The following DLGAP1 variants were observed in gnomAD, a reference collection of about 807,000 sequenced individuals.
DLGAP1 encodes the protein DLG associated protein 1.
DLGAP1 carries 11 observed loss-of-function variants against 90.8 expected under a neutral mutation model. That is an observed-to-expected ratio of 0.12 (90% CI 0.08 to 0.20). The LOEUF is 0.20. Among genes scored for constraint, DLGAP1 ranks in the 10% least tolerant of loss-of-function variants. The pLI, the probability that DLGAP1 is intolerant of heterozygous loss-of-function variation, is 1.00. For missense variants in DLGAP1, 1,050 were observed against 1,333.8 expected (o/e 0.79, Z 3.31); for synonymous variants, 558 against 540.7 (o/e 1.03, Z -0.44).
At chr18:3,579,540 G>T (rs1349879608) in intron 8 of DLGAP1, among the ~76,000 whole-genome samples, 10 of 152,138 alleles carry the variant, frequency 6.6e-5, no homozygotes, top group Non-Finnish European at 1.2e-4. Flanking sequence ...CCTTAGAGTG[G>T]GTTCAATGTG....
intron 4 of DLGAP1, among the ~76,000 whole-genome samples, chr18:3,850,002 A>G (rs7245298): frequency 0.29 from 44,604 of 151,854 alleles, 6,667 homozygotes; most frequent in South Asian, 0.34. Context: ...GGCCAATAAC[A>G]CTGTGATGCC....
intron 5 of DLGAP1, among the ~76,000 whole-genome samples, chr18:3,754,331 A>C (rs767782544): frequency 6.6e-6 from 1 of 152,160 alleles, no homozygotes; most frequent in Non-Finnish European, 1.5e-5. Context: ...TAGATTACTT[A>C]TAATACTGAA....
At chr18:3,730,229 G>A (rs2062371633) in intron 6 of DLGAP1, among the ~76,000 whole-genome samples, 1 of 152,030 alleles carries the variant, frequency 6.6e-6, no homozygotes, top group Admixed American at 6.6e-5. Flanking sequence ...TTCCAGCCTG[G>A]GCAACAGAGA....
intron 7 of DLGAP1, among the ~76,000 whole-genome samples, chr18:3,661,128 G>T (rs1379834922): frequency 1.3e-5 from 2 of 152,106 alleles, no homozygotes; most frequent in African/African-American, 4.8e-5. Context: ...AAACTGCTGT[G>T]CTCAAGTGAT....
At chr18:3,529,050 C>T (rs960821486) in intron 10 of DLGAP1, among the ~76,000 whole-genome samples, 4 of 152,176 alleles carry the variant, frequency 2.6e-5, no homozygotes, top group African/African-American at 7.2e-5. Flanking sequence ...TCATCTGTCA[C>T]GGGAACACCT....
At chr18:3,657,966 T>C (rs1291529934) in intron 7 of DLGAP1, among the ~76,000 whole-genome samples, 1 of 152,244 alleles carries the variant, frequency 6.6e-6, no homozygotes, top group Non-Finnish European at 1.5e-5. Context: ...AGTTCAACCA[T>C]GATCAGACAA....
intron 2 of DLGAP1, among the ~76,000 whole-genome samples, chr18:4,034,021 G>A (rs1426379797): frequency 6.8e-6 from 1 of 147,676 alleles, no homozygotes; most frequent in Non-Finnish European, 1.5e-5. Context: ...AGGGGCATGA[G>A]CCACCGCGCC....
chr18:3,612,999 C>A (rs1400939435), intron 7 of DLGAP1, among the ~76,000 whole-genome samples: 1 of 152,086 alleles, frequency 6.6e-6, no homozygotes, highest in East Asian at 1.9e-4. Context: ...CGCCACCATG[C>A]CCGGCTAATT....
At chr18:3,925,245 G>A (rs184685678) in intron 3 of DLGAP1, among the ~76,000 whole-genome samples, 20 of 151,248 alleles carry the variant, frequency 1.3e-4, no homozygotes, top group Admixed American at 5.9e-4. Context: ...GAGCCACTGC[G>A]CCCAGCAGCT....
intron 3 of DLGAP1, among the ~76,000 whole-genome samples, chr18:3,897,283 C>T (rs989814284): frequency 1.3e-5 from 2 of 152,218 alleles, no homozygotes; most frequent in Non-Finnish European, 2.9e-5. Context: ...CTTTTCTCTC[C>T]ACTACCAAGA....
At chr18:4,218,296 T>C (rs2078000476) in intron 1 of DLGAP1, among the ~76,000 whole-genome samples, 1 of 151,972 alleles carries the variant, frequency 6.6e-6, no homozygotes, top group South Asian at 2.1e-4. Flanking sequence ...GTGTTAATTA[T>C]TGTAGCTTTG....
In DLGAP1 at chr18:3,879,902, T is replaced by A; in HGVS notation, c.167A>T (p.Glu56Val). The A allele has an allele frequency of 6.2e-7, 1 of 1,612,486 alleles. No individual in the cohort carries two copies. The highest frequency in any genetic ancestry group is 1.1e-5 in the South Asian group (1 of 91,064). The change falls in exon 4 of 13, where the codon GAG becomes GTG. Residue 56 changes from glutamate to valine, a missense_variant. Physicochemically the swap from Glu to Val is moderately radical, Grantham distance 121. Around this residue, in one of 2 missense-constraint regions of DLGAP1, gnomAD observed 485 missense variants for 454.1 expected, o/e 1.07. Coordinates refer to ENST00000315677, the MANE Select transcript of DLGAP1 (RefSeq NM_004746.4). This position sits in a 1 kb window ranked among gnomAD's most constrained non-coding sequence, Gnocchi z 6.6. ...CGGGTCGCTGAAGGGGCCCACGCACTCAGCCTGGAAGGAGTTCCGCTGGGT... is the reference window on the plus strand; with the variant it reads ...CGGGTCGCTGAAGGGGCCCACGCACACAGCCTGGAAGGAGTTCCGCTGGGT... Reference protein sequence around the residue: ...YYTQRNSFQAECVGPFSDPLA... With the variant: ...YYTQRNSFQAVCVGPFSDPLA...
chr18:4,304,464 C>T (rs1356710537), intron 1 of DLGAP1, among the ~76,000 whole-genome samples: 1 of 152,146 alleles, frequency 6.6e-6, no homozygotes, highest in Non-Finnish European at 1.5e-5. Flanking sequence ...TAATTCAATT[C>T]CACTTGAAAA....
intron 7 of DLGAP1, among the ~76,000 whole-genome samples, chr18:3,601,727 C>T (rs776252469): frequency 1.3e-5 from 2 of 151,900 alleles, no homozygotes; most frequent in Non-Finnish European, 2.9e-5. Flanking sequence ...CCCCAGTAAT[C>T]CCAGCTACTT....
intron 1 of DLGAP1, among the ~76,000 whole-genome samples, chr18:4,197,762 A>G: frequency 6.6e-6 from 1 of 152,150 alleles, no homozygotes; most frequent in East Asian, 1.9e-4. Context: ...TTTAGGAATC[A>G]TTTATCTGCA....
intron 1 of DLGAP1, among the ~76,000 whole-genome samples, chr18:4,427,855 T>C (rs1293687424): frequency 6.6e-6 from 1 of 152,202 alleles, no homozygotes. Flanking sequence ...ACAGTTTTTA[T>C]GGGAAAAATA....
intron 3 of DLGAP1, among the ~76,000 whole-genome samples, chr18:3,913,098 G>A (rs2072070313): frequency 6.6e-6 from 1 of 152,066 alleles, no homozygotes; most frequent in Admixed American, 6.6e-5. Context: ...AGTGGGAAGA[G>A]ATACTTTGTT....
intron 2 of DLGAP1, among the ~76,000 whole-genome samples, chr18:4,018,692 G>A (rs1166540295): frequency 6.6e-6 from 1 of 152,240 alleles, no homozygotes; most frequent in Admixed American, 6.5e-5. Flanking sequence ...TCCATCAGAA[G>A]GGATTTAAAT....
intron 9 of DLGAP1, among the ~76,000 whole-genome samples, chr18:3,551,971 T>C (rs920168993): frequency 9.3e-5 from 14 of 149,746 alleles, no homozygotes; most frequent in Non-Finnish European, 1.5e-4. Flanking sequence ...TTTTTTTTTT[T>C]CTTTCTTTTT....
Sources: allele counts gnomAD v4.1 joint callset (sites outside exome capture counted in the v4.1 genomes callset), GRCh38; gene constraint gnomAD v4.1.1; regional missense constraint gnomAD v4.1.1; non-coding constraint Gnocchi (gnomAD v3.1); transcripts MANE v1.5; gene names NCBI Gene and HGNC (gene_info 2026-07-23, HGNC 2026-07-21).